The following SLC67A1 variants were observed in gnomAD, a reference collection of about 807,000 sequenced individuals.
SLC67A1 encodes the protein solute carrier family 67 member 1, also known as solute carrier family 67 member A1.
chr11:2,903,437 TG>T, the SLC67A1 span: 1 of 1,613,142 alleles, frequency 6.2e-7, no homozygotes, highest in South Asian at 1.1e-5. Flanking sequence ...CTTACCTACG[TG>T]CTGGCCGCCA....
At chr11:2,909,418 G>C in the SLC67A1 span, 8 of 1,478,374 alleles carry the variant, frequency 5.4e-6, no homozygotes, top group Middle Eastern at 4.9e-4. Context: ...CGGAGGACCC[G>C]GGACACCTCC....
At chr11:2,920,577 C>T in the SLC67A1 span, 1 of 152,372 alleles carries the variant, frequency 6.6e-6, no homozygotes, top group Non-Finnish European at 1.5e-5. Flanking sequence ...CTCGCAGGAA[C>T]TGGGCCTGGT....
chr11:2,909,559 T>A, the SLC67A1 span: 1 of 1,518,360 alleles, frequency 6.6e-7, no homozygotes, highest in Non-Finnish European at 8.8e-7. Flanking sequence ...GCCGCTCAGC[T>A]CCCCCGCCCC....
the SLC67A1 span, among the ~76,000 whole-genome samples, chr11:2,910,196 G>A: frequency 6.6e-6 from 1 of 152,190 alleles, no homozygotes; most frequent in Non-Finnish European, 1.5e-5. Context: ...CTGGGCTGGG[G>A]ACTGATGGCT....
At chr11:2,902,120 C>T in the SLC67A1 span, 5 of 151,416 alleles carry the variant, frequency 3.3e-5, no homozygotes, top group African/African-American at 7.3e-5. Flanking sequence ...GGGGCAGGGG[C>T]GGGTCCTTCG....
chr11:2,906,610 C>A, the SLC67A1 span, among the ~76,000 whole-genome samples: 30 of 151,478 alleles, frequency 2.0e-4, 1 homozygote, highest in South Asian at 6.2e-3. Context: ...CAAACTATCG[C>A]AAGGACAGAA....
the SLC67A1 span, among the ~76,000 whole-genome samples, chr11:2,905,316 G>C: frequency 6.6e-6 from 1 of 152,174 alleles, no homozygotes; most frequent in Non-Finnish European, 1.5e-5. Context: ...GACCATCGTG[G>C]AGGAGGGAAG....
the SLC67A1 span, among the ~76,000 whole-genome samples, chr11:2,906,430 C>T: frequency 5.2e-4 from 79 of 152,256 alleles, 2 homozygotes; most frequent in South Asian, 4.1e-4. Flanking sequence ...GTATGTTTAT[C>T]GCGGCACTAC....
chr11:2,906,562 C>G, the SLC67A1 span, among the ~76,000 whole-genome samples: 18 of 152,122 alleles, frequency 1.2e-4, no homozygotes, highest in Admixed American at 2.6e-4. Context: ...AGTTCATGTC[C>G]TTTGTACATG....
chr11:2,919,150 G>T, the SLC67A1 span: 2 of 612,416 alleles, frequency 3.3e-6, no homozygotes, highest in African/African-American at 1.9e-5. Flanking sequence ...CCAGGGAAGG[G>T]TCTCATTGGC....
chr11:2,903,503 C>T, the SLC67A1 span: 2 of 1,612,712 alleles, frequency 1.2e-6, no homozygotes, highest in South Asian at 2.2e-5. Context: ...AGTAACACAC[C>T]CCAGCCCCTG....
chr11:2,922,437 C>G, the SLC67A1 span: 1 of 1,610,726 alleles, frequency 6.2e-7, no homozygotes, highest in Non-Finnish European at 8.5e-7. Flanking sequence ...CCGTCCCAGG[C>G]CTGGATGTCC....
chr11:2,914,836 A>C, the SLC67A1 span: 2 of 985,430 alleles, frequency 2.0e-6, no homozygotes. Context: ...GGTCCCAAAG[A>C]AAGGGCCCGT....
chr11:2,922,465 C>T, the SLC67A1 span: 22 of 1,612,064 alleles, frequency 1.4e-5, no homozygotes, highest in African/African-American at 2.4e-4. Flanking sequence ...TCCACTTCTG[C>T]CTCCTGGTGC....
At chr11:2,908,182 G>A in the SLC67A1 span, 1 of 1,228,674 alleles carries the variant, frequency 8.1e-7, no homozygotes, top group Middle Eastern at 1.9e-4. Context: ...CCAGATTCTA[G>A]GCCCTGCAGT....
At chr11:2,924,430 G>T in the SLC67A1 span, among the ~76,000 whole-genome samples, 1 of 152,142 alleles carries the variant, frequency 6.6e-6, no homozygotes, top group Non-Finnish European at 1.5e-5. The surrounding 1 kb of genome is among the most constrained non-coding windows in gnomAD (Gnocchi z 8.6). Flanking sequence ...TGGGATGGGG[G>T]TGTCATGCCC....
At chr11:2,914,081 G>C in the SLC67A1 span, among the ~76,000 whole-genome samples, 1 of 152,216 alleles carries the variant, frequency 6.6e-6, no homozygotes, top group African/African-American at 2.4e-5. Flanking sequence ...AGGTCACCTA[G>C]CAGGTAAGCG....
the SLC67A1 span, chr11:2,902,484 C>CA: frequency 3.0e-3 from 2,062 of 679,624 alleles, 45 homozygotes; most frequent in African/African-American, 0.037. Context: ...GCCCTGCTCC[C>CA]CCCAGCCTCC....
At chr11:2,906,442 T>G in the SLC67A1 span, among the ~76,000 whole-genome samples, 4 of 152,152 alleles carry the variant, frequency 2.6e-5, no homozygotes, top group Non-Finnish European at 5.9e-5. Context: ...CGGCACTACC[T>G]ACAATAGCAA....
Sources: allele counts gnomAD v4.1 joint callset (sites outside exome capture counted in the v4.1 genomes callset), GRCh38; gene constraint gnomAD v4.1.1; non-coding constraint Gnocchi (gnomAD v3.1); transcripts MANE v1.5; gene names NCBI Gene and HGNC (gene_info 2026-07-23, HGNC 2026-07-21).